CSMD1: variants seen among roughly 807,000 people sequenced by gnomAD.
CSMD1 encodes the protein CUB and sushi domain-containing protein 1.
Under a neutral mutation model 417.5 loss-of-function variants are expected in CSMD1, and 213 were observed. The observed-to-expected ratio is 0.51, with a 90% CI of 0.46 to 0.57. The LOEUF (loss-of-function observed/expected upper bound fraction) is 0.57. Among genes scored for constraint, CSMD1 ranks in the 20% least tolerant of loss-of-function variants. CSMD1 has a pLI of 0.00. For missense variants in CSMD1, 6,923 were observed against 4,529.7 expected (o/e 1.53, Z -15.17); for synonymous variants, 2,862 against 1,736.8 (o/e 1.65, Z -16.11).
intron 5 of CSMD1, among the ~76,000 whole-genome samples, chr8:3,836,626 C>G (rs12549593): frequency 0.16 from 24,052 of 151,978 alleles, 2,094 homozygotes; most frequent in Middle Eastern, 0.21. Flanking sequence ...GGTATTTGAC[C>G]TGAATCAAAT....
At chr8:3,523,332 T>C (rs139478717) in intron 10 of CSMD1, among the ~76,000 whole-genome samples, 45 of 152,346 alleles carry the variant, frequency 3.0e-4, no homozygotes, top group Non-Finnish European at 5.1e-4. Context: ...TTTTGTTCTA[T>C]TGTGGCAACA....
intron 5 of CSMD1, among the ~76,000 whole-genome samples, chr8:3,882,959 T>C (rs186338080): frequency 1.9e-3 from 284 of 152,306 alleles, no homozygotes; most frequent in Admixed American, 3.5e-3. Flanking sequence ...ACAAACTCTC[T>C]GCGAAAGTTT....
rs138730450 is a variant in CSMD1, at chr8:4,098,483, T to C, written c.416-66384A>G. ...TGTTCCATGTTGGAAGTTGTCTAGC[T>C]CCTGTGTTTTAGTTTTAGGCCAGTT... On this transcript the variant is annotated intron_variant, in intron 3 of 69. Transcript: ENST00000635120. Among the ~76,000 whole-genome samples the C allele has an allele frequency of 3.4e-3, 523 of 152,268 alleles. 4 individuals are homozygous for C. The highest frequency in any genetic ancestry group is 0.017 in the Middle Eastern group (5 of 294).
intron 8 of CSMD1, among the ~76,000 whole-genome samples, chr8:3,600,463 T>C (rs542792483): frequency 6.6e-6 from 1 of 152,152 alleles, no homozygotes; most frequent in Admixed American, 6.5e-5. Context: ...GTCAAGTGTA[T>C]CAGAATCATT....
chr8:3,099,868 T>C (rs767667718), intron 46 of CSMD1, among the ~76,000 whole-genome samples: 11 of 152,198 alleles, frequency 7.2e-5, no homozygotes, highest in Non-Finnish European at 1.2e-4. Flanking sequence ...TTTCTACAAT[T>C]CTCTCCAACC....
At chr8:3,021,342 T>A (rs1202499531) in intron 51 of CSMD1, among the ~76,000 whole-genome samples, 5 of 152,238 alleles carry the variant, frequency 3.3e-5, no homozygotes, top group Non-Finnish European at 5.9e-5. Flanking sequence ...TTTCCTTGTA[T>A]GGTAGTAAAC....
intron 5 of CSMD1, among the ~76,000 whole-genome samples, chr8:3,814,312 T>C (rs576152239): frequency 6.6e-6 from 1 of 152,326 alleles, no homozygotes; most frequent in African/African-American, 2.4e-5. Flanking sequence ...TTCTACTCAG[T>C]TCCTGCAAAC....
At chr8:4,741,723 A>C (rs937275769) in intron 1 of CSMD1, among the ~76,000 whole-genome samples, 27 of 152,240 alleles carry the variant, frequency 1.8e-4, no homozygotes, top group African/African-American at 6.3e-4. Flanking sequence ...CACATCCCTG[A>C]CATAGTAGCT....
intron 1 of CSMD1, among the ~76,000 whole-genome samples, chr8:4,833,962 C>T (rs1166867461): frequency 6.6e-6 from 1 of 152,176 alleles, no homozygotes; most frequent in African/African-American, 2.4e-5. Context: ...TCTTCACTAT[C>T]TTAGCACCTT....
intron 5 of CSMD1, among the ~76,000 whole-genome samples, chr8:3,933,785 T>C (rs571358424): frequency 2.6e-5 from 4 of 152,206 alleles, no homozygotes; most frequent in Admixed American, 2.6e-4. Context: ...CCTGCTATAT[T>C]TATTTTTATA....
chr8:3,498,203 G>C (rs1796446937), intron 10 of CSMD1, among the ~76,000 whole-genome samples: 1 of 152,042 alleles, frequency 6.6e-6, no homozygotes, highest in African/African-American at 2.4e-5. Flanking sequence ...TATTTGACTT[G>C]ACTGTTTTGT....
chr8:3,797,488 A>G (rs1227702660), intron 5 of CSMD1, among the ~76,000 whole-genome samples: 1 of 151,926 alleles, frequency 6.6e-6, no homozygotes, highest in East Asian at 1.9e-4. Flanking sequence ...AATTCATTAC[A>G]TCTGATCTTT....
chr8:4,086,118 G>A (rs778123081), intron 3 of CSMD1, among the ~76,000 whole-genome samples: 5 of 152,048 alleles, frequency 3.3e-5, no homozygotes, highest in Non-Finnish European at 2.9e-5. Context: ...ATTCTATGAG[G>A]TAGATGTTAT....
At chr8:4,328,312 C>T (rs935249017) in intron 3 of CSMD1, among the ~76,000 whole-genome samples, 1 of 147,316 alleles carries the variant, frequency 6.8e-6, no homozygotes, top group Non-Finnish European at 1.5e-5. Context: ...CCCCACGACT[C>T]AGTTAAGTCA....
At chr8:4,263,978 A>C (rs1804063843) in intron 3 of CSMD1, among the ~76,000 whole-genome samples, 1 of 152,186 alleles carries the variant, frequency 6.6e-6, no homozygotes, top group South Asian at 2.1e-4. Flanking sequence ...TCATAGCCTC[A>C]GGAGACAACA....
chr8:4,389,960 C>T (rs561720730), intron 3 of CSMD1, among the ~76,000 whole-genome samples: 1 of 152,272 alleles, frequency 6.6e-6, no homozygotes, highest in South Asian at 2.1e-4. Context: ...GATATGCATG[C>T]ATGATGTACT....
chr8:3,397,960 G>C (rs907467500), intron 16 of CSMD1, among the ~76,000 whole-genome samples: 5 of 152,144 alleles, frequency 3.3e-5, no homozygotes, highest in Non-Finnish European at 7.3e-5. Context: ...TTTAAGAGCT[G>C]TGTACTATGT....
At chr8:2,984,910 G>A (rs1440515972) in intron 54 of CSMD1, among the ~76,000 whole-genome samples, 2 of 152,126 alleles carry the variant, frequency 1.3e-5, no homozygotes, top group Non-Finnish European at 2.9e-5. Context: ...CACATCACCT[G>A]GACAAGAGGT....
chr8:4,552,656 C>T (rs140678457), intron 2 of CSMD1, among the ~76,000 whole-genome samples: 1 of 152,032 alleles, frequency 6.6e-6, no homozygotes, highest in Non-Finnish European at 1.5e-5. Context: ...TCTGAGGTAC[C>T]AAGCCTAGCA....
Sources: allele counts gnomAD v4.1 joint callset (sites outside exome capture counted in the v4.1 genomes callset), GRCh38; gene constraint gnomAD v4.1.1; transcripts MANE v1.5; gene names NCBI Gene and HGNC (gene_info 2026-07-23, HGNC 2026-07-21).